The following RIT2 variants were observed in gnomAD, a reference collection of about 807,000 sequenced individuals.
RIT2 encodes GTP-binding protein Rit2.
In RIT2, 24 loss-of-function variants were observed where a neutral mutation model predicts 23.7. The ratio of observed to expected loss-of-function variants is 1.01; its 90% CI spans 0.73 to 1.43. RIT2 has a LOEUF of 1.43. Ranked by LOEUF, RIT2 falls within the 40% of genes most tolerant of loss-of-function variation. RIT2 has a pLI of 0.00. For missense variants in RIT2, 236 were observed against 266.9 expected, an observed-to-expected ratio of 0.88 and a Z score of 0.81; for synonymous variants, 107 against 91.1, an observed-to-expected ratio of 1.17 and a Z score of -0.99.
rs11393575 is a variant in RIT2 at position 43,057,798 on chromosome 18, C to CTTTTTTTTTTTTTTTTTT, written c.104-23932_104-23931insAAAAAAAAAAAAAAAAAA. On this transcript the variant is annotated intron_variant, in intron 1 of 4. Transcript: ENST00000326695. Reference sequence around the variant, plus strand: ...GAGCTAATCTTCCAAGTGATGGACACTTTTTTTTTTTTTTTTTATCATCTA... The same window carrying CTTTTTTTTTTTTTTTTTT: ...GAGCTAATCTTCCAAGTGATGGACACTTTTTTTTTTTTTTTTTTTTTTTTTTTTTTTTTTTATCATCTA... 5.1e-4 allele frequency among the ~76,000 whole-genome samples: 62 copies of CTTTTTTTTTTTTTTTTTT among 122,660 alleles called. 2 individuals carry two copies. The highest frequency in any genetic ancestry group is 1.2e-3 in the African/African-American group (38 of 32,958). 80.5% of individuals were successfully genotyped at this position (122,660 alleles called of 152,430 possible). A position where few individuals can be genotyped will look rare whatever the true frequency, so the allele number is the denominator to read the frequency against.
intron 4 of RIT2, among the ~76,000 whole-genome samples, chr18:42,906,022 G>A (rs868277898): frequency 0.01 from 104 of 9,998 alleles, no homozygotes; most frequent in African/African-American, 0.041. Flanking sequence ...ATATATATAT[G>A]TATATATATA....
intron 3 of RIT2, among the ~76,000 whole-genome samples, chr18:42,973,650 A>C (rs1910411627): frequency 6.6e-6 from 1 of 151,768 alleles, no homozygotes; most frequent in Non-Finnish European, 1.5e-5. Flanking sequence ...GACCATACTA[A>C]ATCTTGGTTA....
intron 4 of RIT2, among the ~76,000 whole-genome samples, chr18:42,886,483 A>G (rs1908025996): frequency 6.6e-6 from 1 of 152,176 alleles, no homozygotes; most frequent in African/African-American, 2.4e-5. Context: ...GAATAGAGAG[A>G]TTCCAGTGCT....
intron 1 of RIT2, among the ~76,000 whole-genome samples, chr18:43,097,478 T>C (rs552367423): frequency 6.6e-6 from 1 of 151,990 alleles, no homozygotes; most frequent in African/African-American, 2.4e-5. Context: ...CTCTTAGTTC[T>C]TGAAGAATAA....
chr18:42,778,423 T>A (rs1913727901), intron 4 of RIT2, among the ~76,000 whole-genome samples: 1 of 152,224 alleles, frequency 6.6e-6, no homozygotes. Flanking sequence ...TGTTTGCTAA[T>A]GATTAATTAT....
At chr18:42,869,861 A>T (rs1470085144) in intron 4 of RIT2, among the ~76,000 whole-genome samples, 2 of 152,194 alleles carry the variant, frequency 1.3e-5, no homozygotes, top group Non-Finnish European at 2.9e-5. Flanking sequence ...AGCTTAAAGG[A>T]TAATGTTCTT....
chr18:42,994,142 A>G (rs1225994446), intron 2 of RIT2, among the ~76,000 whole-genome samples: 2 of 152,014 alleles, frequency 1.3e-5, no homozygotes, highest in African/African-American at 4.8e-5. Flanking sequence ...TGCTTTCTTT[A>G]CTATTCCTTT....
chr18:42,959,007 T>A (rs1910039014), intron 3 of RIT2, among the ~76,000 whole-genome samples: 1 of 152,186 alleles, frequency 6.6e-6, no homozygotes, highest in South Asian at 2.1e-4. Context: ...AAGCCTTCAT[T>A]GACCTTAACC....
intron 4 of RIT2, among the ~76,000 whole-genome samples, chr18:42,824,869 A>G (rs887662263): frequency 6.6e-6 from 1 of 151,924 alleles, no homozygotes; most frequent in Admixed American, 6.6e-5. Flanking sequence ...GACTTTATTG[A>G]TAGAATTTCA....
At chr18:42,923,549 T>C in intron 4 of RIT2, 23 bp downstream of exon 4, 7 of 1,604,904 alleles carry the variant, frequency 4.4e-6, no homozygotes, top group Non-Finnish European at 6.0e-6. Context: ...AGACAGAAGC[T>C]ACCAGATAAA....
At chr18:43,087,261 A>G (rs1043757011) in intron 1 of RIT2, among the ~76,000 whole-genome samples, 1 of 152,058 alleles carries the variant, frequency 6.6e-6, no homozygotes, top group Non-Finnish European at 1.5e-5. Context: ...AAAATAAAAT[A>G]AAAAAGTAAA....
chr18:42,933,764 A>G (rs1909384897), intron 3 of RIT2, among the ~76,000 whole-genome samples: 1 of 152,110 alleles, frequency 6.6e-6, no homozygotes, highest in African/African-American at 2.4e-5. Context: ...TCATGCCTGT[A>G]ATCTCAGCAC....
Position 43,086,415 on chromosome 18 carries a change from G to A in RIT2, c.103+29002C>T, listed in dbSNP as rs79358545. Among the ~76,000 whole-genome samples, 693 of 152,244 alleles carry A rather than the reference G, an allele frequency of 4.6e-3. 5 individuals are homozygous for A. Among genetic ancestry groups the A allele is most frequent in the African/African-American group, 0.016 (664 of 41,540 alleles). ...ATGCAACCTACCAAGACTGAATCAG[G>A]AAGAAATACGCATGATGGAATACCA... is the stretch of plus-strand genomic sequence containing the variant. On this transcript the variant is annotated intron_variant, in intron 1 of 4. Coordinates refer to ENST00000326695, the MANE Select transcript of RIT2 (RefSeq NM_002930.4).
At position 42,905,444 on chromosome 18, in the gene RIT2, T is replaced by C. The variant is rs990432884; in HGVS notation, c.426+18128A>G. Among the ~76,000 whole-genome samples, 8 of 152,302 alleles carry C rather than the reference T, an allele frequency of 5.3e-5. No homozygotes were observed. The South Asian group carries it at 1.0e-3, about 20-fold the overall frequency. On this transcript the variant is annotated intron_variant, in intron 4 of 4. Transcript: ENST00000326695. Reference sequence around the variant, plus strand: ...ATTCTGTATTATATCTAAGTATACATGCTTTTTAAGAAGAGAAAAACATGG... The same window carrying C: ...ATTCTGTATTATATCTAAGTATACACGCTTTTTAAGAAGAGAAAAACATGG...
chr18:43,064,726 C>T (rs974627646), intron 1 of RIT2, among the ~76,000 whole-genome samples: 1 of 152,094 alleles, frequency 6.6e-6, no homozygotes, highest in African/African-American at 2.4e-5. Context: ...AATTCTCATT[C>T]TAAATAAGGT....
At chr18:42,804,561 TAA>T (rs564202513) in intron 4 of RIT2, among the ~76,000 whole-genome samples, 33 of 52,840 alleles carry the variant, frequency 6.2e-4, no homozygotes, top group Non-Finnish European at 1.1e-3. Context: ...GCCTCAAAAC[TAA>T]AAAAAAAAAA....
intron 4 of RIT2, among the ~76,000 whole-genome samples, chr18:42,749,582 G>A (rs1912997918): frequency 6.6e-6 from 1 of 151,686 alleles, no homozygotes; most frequent in African/African-American, 2.4e-5. Context: ...CAGATTAAGG[G>A]TGATGAAGAA....
intron 4 of RIT2, among the ~76,000 whole-genome samples, chr18:42,880,365 C>T (rs977199261): frequency 2.6e-5 from 4 of 151,930 alleles, no homozygotes; most frequent in African/African-American, 9.7e-5. Flanking sequence ...TTTTGTTTTA[C>T]CCCTTAAAAA....
At chr18:42,892,278 A>G (rs1035136518) in intron 4 of RIT2, among the ~76,000 whole-genome samples, 2 of 152,048 alleles carry the variant, frequency 1.3e-5, no homozygotes, top group South Asian at 2.1e-4. Context: ...TGTAGGCCCC[A>G]TTTTTCCAGC....
Sources: gnomAD v4.1 joint callset for allele counts (sites outside exome capture counted in the v4.1 genomes callset) on GRCh38, gnomAD v4.1.1 for gene constraint, MANE v1.5 for transcripts, NCBI Gene and HGNC (gene_info 2026-07-23, HGNC 2026-07-21) for gene names.